The following DLGAP1 variants were observed in gnomAD, a reference collection of about 807,000 sequenced individuals.
The protein encoded by DLGAP1 is DLG associated protein 1, also known as disks large-associated protein 1.
A neutral mutation model predicts 90.8 loss-of-function variants in DLGAP1; 11 were observed. The ratio of observed to expected loss-of-function variants is 0.12; its 90% confidence interval spans 0.08 to 0.20. The LOEUF is 0.20. Ranked by LOEUF, DLGAP1 falls within the 10% of genes least tolerant of loss-of-function variation. The probability of loss-of-function intolerance (pLI) is 1.00; values close to 1 mark genes in which losing one functional copy is unlikely to be tolerated. For synonymous variants in DLGAP1, 558 were observed against 540.7 expected, an observed-to-expected ratio of 1.03 and a Z score of -0.44; for missense variants, 1,050 against 1,333.8, an observed-to-expected ratio of 0.79 and a Z score of 3.31.
intron 4 of DLGAP1, among the ~76,000 whole-genome samples, chr18:3,846,388 G>C (rs940235266): frequency 6.6e-6 from 1 of 152,100 alleles, no homozygotes; most frequent in African/African-American, 2.4e-5. Context: ...TTAAATGATT[G>C]GTTTGTTTCA....
intron 2 of DLGAP1, among the ~76,000 whole-genome samples, chr18:4,065,303 A>T (rs1490485591): frequency 6.6e-6 from 1 of 151,804 alleles, no homozygotes; most frequent in Non-Finnish European, 1.5e-5. Flanking sequence ...ACTCCTATTC[A>T]ACGTAGTGTT....
At position 3,618,405 on chromosome 18, in the gene DLGAP1, G is replaced by A. The variant is rs73381279; in HGVS notation, c.1592-36157C>T. ...CAAACAGCCCTTTCAAAGAACATCC[G>A]ACACAAACACTCACTGGCTGCTCCT... On this transcript the variant is annotated intron_variant, in intron 7 of 12. Transcript: ENST00000315677. Among the ~76,000 whole-genome samples the A allele has an allele frequency of 4.6e-3, 701 of 152,084 alleles. 6 individuals are homozygous for A. The highest frequency in any genetic ancestry group is 0.016 in the African/African-American group (663 of 41,488).
At chr18:3,638,474 C>T (rs2058806121) in intron 7 of DLGAP1, among the ~76,000 whole-genome samples, 1 of 152,116 alleles carries the variant, frequency 6.6e-6, no homozygotes, top group Non-Finnish European at 1.5e-5. Context: ...TGTTCTTGAA[C>T]TCCTGGCCTC....
At chr18:3,735,227 A>AT (rs1281474996) in intron 6 of DLGAP1, among the ~76,000 whole-genome samples, 2 of 151,698 alleles carry the variant, frequency 1.3e-5, no homozygotes, top group Non-Finnish European at 2.9e-5. Flanking sequence ...CAAAATGCGT[A>AT]TTTTTTTTGG....
At chr18:3,945,716 G>A (rs1024471985) in intron 3 of DLGAP1, among the ~76,000 whole-genome samples, 1 of 152,006 alleles carries the variant, frequency 6.6e-6, no homozygotes, top group Non-Finnish European at 1.5e-5. Flanking sequence ...ACACCAGCAT[G>A]GCACATGTAT....
At chr18:4,293,666 A>G (rs619143) in intron 1 of DLGAP1, 74,602 of 152,044 alleles carry the variant, frequency 0.49, 21,307 homozygotes, top group East Asian at 0.75. Context: ...TAGAATGAAT[A>G]TCTTTATGAC....
chr18:3,761,500 G>A (rs1192574592), intron 5 of DLGAP1, among the ~76,000 whole-genome samples: 1 of 152,008 alleles, frequency 6.6e-6, no homozygotes, highest in African/African-American at 2.4e-5. Flanking sequence ...CACTTGGGTT[G>A]CTTCCACCTT....
At chr18:3,999,686 T>A (rs1432686511) in intron 3 of DLGAP1, among the ~76,000 whole-genome samples, 1 of 143,814 alleles carries the variant, frequency 7.0e-6, no homozygotes, top group Non-Finnish European at 1.5e-5. Flanking sequence ...CATATGATTT[T>A]GTATATTTCA....
chr18:4,421,423 A>G (rs779818451), intron 1 of DLGAP1, among the ~76,000 whole-genome samples: 34 of 152,204 alleles, frequency 2.2e-4, no homozygotes, highest in Admixed American at 9.2e-4. Flanking sequence ...ATTTAATCAC[A>G]TCTTTGCCAT....
In DLGAP1 at chr18:3,526,712, G is replaced by T. The variant is rs2051642699; in HGVS notation, c.2479+7482C>A. ...TGAGCCTATGTTCTTTCCCCACAGT[G>T]GTAGACTGCATTCCTAGTTGGAGGC... On this transcript the variant is annotated intron_variant, in intron 10 of 12. Coordinates refer to ENST00000315677, the MANE Select transcript of DLGAP1 (RefSeq NM_004746.4). This position sits in a 1 kb window ranked among gnomAD's most constrained non-coding sequence, Gnocchi z 4.7. Among the ~76,000 whole-genome samples, 1 of 152,162 alleles carries T rather than the reference G, an allele frequency of 6.6e-6. No individual in the cohort carries two copies. The highest frequency in any genetic ancestry group is 2.4e-5 in the African/African-American group (1 of 41,424).
chr18:3,721,416 C>T (rs969323525), intron 7 of DLGAP1: 4 of 152,040 alleles, frequency 2.6e-5, no homozygotes, highest in Admixed American at 6.6e-5. Context: ...CTTCCAAATC[C>T]GCATAATGTG....
intron 3 of DLGAP1, among the ~76,000 whole-genome samples, chr18:3,943,954 C>T (rs1010263806): frequency 1.3e-5 from 2 of 152,198 alleles, no homozygotes; most frequent in Admixed American, 6.5e-5. Context: ...CAGAACAACT[C>T]AACCCTGTGA....
intron 2 of DLGAP1, among the ~76,000 whole-genome samples, chr18:4,116,079 T>TA (rs2076059051): frequency 6.6e-6 from 1 of 152,214 alleles, no homozygotes; most frequent in Non-Finnish European, 1.5e-5. Flanking sequence ...GTAAGGGGGT[T>TA]AACAAACAGC....
intron 1 of DLGAP1, among the ~76,000 whole-genome samples, chr18:4,412,592 T>A (rs927968890): frequency 6.6e-6 from 1 of 152,048 alleles, no homozygotes; most frequent in Non-Finnish European, 1.5e-5. Context: ...TGGAGAAACA[T>A]AAAGTTTAAT....
chr18:4,136,890 T>C (rs1204123439), intron 2 of DLGAP1, among the ~76,000 whole-genome samples: 1 of 151,176 alleles, frequency 6.6e-6, no homozygotes, highest in African/African-American at 2.4e-5. Flanking sequence ...TCAGTTTTTA[T>C]TCAATTTTGA....
At position 3,921,228 on chromosome 18, in the gene DLGAP1, G is replaced by A. The variant is rs541616986; in HGVS notation, c.-72-41088C>T. ...CTACCTGGGCAATCTTGGGCAAGGC[G>A]ATTCAATATTCTGAACCCCATTTTC... On this transcript the variant is annotated intron_variant, in intron 3 of 12. Transcript: ENST00000315677. Among the ~76,000 whole-genome samples the A allele has an allele frequency of 5.3e-5, 8 of 152,258 alleles. No individual in the cohort carries two copies. The South Asian group carries it at 6.2e-4, about 12-fold the overall frequency.
chr18:3,553,247 A>G (rs2053573603), intron 9 of DLGAP1, among the ~76,000 whole-genome samples: 1 of 152,192 alleles, frequency 6.6e-6, no homozygotes, highest in Admixed American at 6.5e-5. Flanking sequence ...TTTTTAAATA[A>G]TGTTTGTTGA....
chr18:4,129,233 A>G (rs546723605), intron 2 of DLGAP1, among the ~76,000 whole-genome samples: 1 of 151,868 alleles, frequency 6.6e-6, no homozygotes, highest in Admixed American at 6.6e-5. Context: ...AAACTAACGT[A>G]ATGATATTTG....
chr18:3,708,291 G>A (rs1371700954), intron 7 of DLGAP1: 14 of 385,174 alleles, frequency 3.6e-5, no homozygotes, highest in African/African-American at 1.9e-4. Context: ...ACAGGCATGA[G>A]CCACTGTGCC....
Sources: gnomAD v4.1 joint callset for allele counts (sites outside exome capture counted in the v4.1 genomes callset) on GRCh38, gnomAD v4.1.1 for gene constraint, Gnocchi (gnomAD v3.1) non-coding constraint, MANE v1.5 for transcripts, NCBI Gene and HGNC (gene_info 2026-07-23, HGNC 2026-07-21) for gene names.